MYBPC1: variants seen among roughly 807,000 people sequenced by gnomAD.
MYBPC1 encodes myosin-binding protein C, slow-type.
A neutral mutation model predicts 147.1 loss-of-function variants in MYBPC1; 52 were observed. The ratio of observed to expected loss-of-function variants is 0.35; its 90% CI spans 0.28 to 0.45. MYBPC1 has a LOEUF of 0.45. MYBPC1 is among the 20% of genes least tolerant of loss of function. The pLI is 1.00. For missense variants in MYBPC1, 1,228 were observed against 1,440.3 expected, an observed-to-expected ratio of 0.85 and a Z score of 2.39; for synonymous variants, 477 against 475.9, an observed-to-expected ratio of 1.00 and a Z score of -0.03.
intron 18 of MYBPC1, among the ~76,000 whole-genome samples, chr12:101,659,280 A>G (rs1006836137): frequency 6.6e-6 from 1 of 152,210 alleles, no homozygotes; most frequent in African/African-American, 2.4e-5. Context: ...AATTTCATAC[A>G]CAGGGATTCC....
At chr12:101,596,310 C>T (rs1327261835) in intron 1 of MYBPC1, among the ~76,000 whole-genome samples, 2 of 152,164 alleles carry the variant, frequency 1.3e-5, no homozygotes, top group East Asian at 1.9e-4. Context: ...CCAAAATAAC[C>T]ACACCAAATG....
chr12:101,661,896 C>CAA lies in MYBPC1; in HGVS notation c.2033-444_2033-443dup, dbSNP rs66873575. 4.8e-3 allele frequency among the ~76,000 whole-genome samples: 400 copies of CAA among 83,022 alleles called. 5 individuals are homozygous for CAA. Among genetic ancestry groups the CAA allele is most frequent in the African/African-American group, 9.4e-3 (207 of 22,036 alleles). The allele number at this position is 83,022 out of a possible 152,430, so 54.5% of individuals were successfully genotyped here. ...TGGGCAACAGAGTGAGACTCTGTCT[C>CAA]AAAAAAAAAAAAAAAAAAAGAAAGA... On this transcript the variant is annotated intron_variant, in intron 20 of 31. Transcript: ENST00000361466.
chr12:101,608,847 G>A (rs1040138249), intron 1 of MYBPC1, among the ~76,000 whole-genome samples: 1 of 152,184 alleles, frequency 6.6e-6, no homozygotes, highest in Non-Finnish European at 1.5e-5. Context: ...TGTAAATGAT[G>A]GAGCTGGGTG....
At chr12:101,610,387 G>T (rs1883806017) in intron 1 of MYBPC1, among the ~76,000 whole-genome samples, 2 of 152,114 alleles carry the variant, frequency 1.3e-5, no homozygotes, top group Non-Finnish European at 2.9e-5. Flanking sequence ...CACCTCTTCT[G>T]TCCAGTCCCC....
At chr12:101,627,462 C>T (rs1245071456) in intron 4 of MYBPC1, among the ~76,000 whole-genome samples, 1 of 152,050 alleles carries the variant, frequency 6.6e-6, no homozygotes, top group African/African-American at 2.4e-5. Context: ...AGACTGGTCT[C>T]GAACACCTGA....
At chr12:101,686,849 A>C (rs1205505588), downstream of MYBPC1, among the ~76,000 whole-genome samples, 3 of 152,128 alleles carry the variant, frequency 2.0e-5, no homozygotes, top group African/African-American at 7.2e-5. Flanking sequence ...GTTGCAGTAC[A>C]TTTGAGAACA....
chr12:101,615,397 C>G (rs1274603817), intron 2 of MYBPC1, among the ~76,000 whole-genome samples: 1 of 152,038 alleles, frequency 6.6e-6, no homozygotes, highest in Non-Finnish European at 1.5e-5. Context: ...ACTGGCATCC[C>G]ACTCAATAAT....
chr12:101,617,862 C>G (rs546642557), intron 3 of MYBPC1, among the ~76,000 whole-genome samples: 1 of 152,120 alleles, frequency 6.6e-6, no homozygotes, highest in Non-Finnish European at 1.5e-5. Flanking sequence ...TTCTGTTACT[C>G]CATGAAATGC....
intron 14 of MYBPC1, among the ~76,000 whole-genome samples, chr12:101,648,747 A>G (rs1042739024): frequency 4.6e-5 from 7 of 152,112 alleles, no homozygotes; most frequent in Non-Finnish European, 8.8e-5. Context: ...ATAAGAGTTT[A>G]TTTGTTTTGC....
intron 21 of MYBPC1, 92 bp from the exon 22 acceptor site, chr12:101,663,334 T>G (rs1455543238): frequency 8.6e-7 from 1 of 1,162,428 alleles, no homozygotes; most frequent in South Asian, 1.2e-5. Flanking sequence ...TTGTGTCTAT[T>G]TTTATTTGTA....
intron 1 of MYBPC1, among the ~76,000 whole-genome samples, chr12:101,612,977 T>G (rs1884807989): frequency 6.6e-6 from 1 of 152,244 alleles, no homozygotes; most frequent in South Asian, 2.1e-4. Context: ...ATCTGCAAAT[T>G]ACATCACATC....
Position 101,652,668 on chromosome 12 carries a change from G to T in MYBPC1, c.1527-10G>T, listed in dbSNP as rs760727234. The T allele has an allele frequency of 2.7e-5, 43 of 1,591,678 alleles. No individual in the cohort carries two copies. Among genetic ancestry groups the T allele is most frequent in the Non-Finnish European group, 3.5e-5 (41 of 1,160,034 alleles). On this transcript the variant is annotated splice_polypyrimidine_tract_variant and intron_variant, in intron 16 of 31. Transcript: ENST00000361466. Reference sequence around the variant, plus strand: ...GGAGTCTTAGAAATACATTTTCCTTGTTTCCTTAGGATCCACAAGTTAGTG... The same window carrying T: ...GGAGTCTTAGAAATACATTTTCCTTTTTTCCTTAGGATCCACAAGTTAGTG...
At chr12:101,691,828 GAGC>G in the MYBPC1 span, among the ~76,000 whole-genome samples, 1 of 152,150 alleles carries the variant, frequency 6.6e-6, no homozygotes, top group Non-Finnish European at 1.5e-5. Context: ...AGGCATTGAG[GAGC>G]ACACTCAGTG....
intron 1 of MYBPC1, among the ~76,000 whole-genome samples, chr12:101,595,880 CAG>C (rs1222077859): frequency 1.3e-5 from 2 of 151,726 alleles, no homozygotes; most frequent in Non-Finnish European, 2.9e-5. Context: ...CAATTGGTAA[CAG>C]AAGTAAATTG....
chr12:101,671,594 C>T (rs971418792), intron 24 of MYBPC1, among the ~76,000 whole-genome samples: 1 of 152,234 alleles, frequency 6.6e-6, no homozygotes, highest in African/African-American at 2.4e-5. Flanking sequence ...CACTTTCCTT[C>T]TCTTGCAGCA....
chr12:101,680,308 T>C, intron 28 of MYBPC1, 35 bp from the exon 29 acceptor site: 1 of 1,592,420 alleles, frequency 6.3e-7, no homozygotes, highest in East Asian at 2.2e-5. Context: ...ATTACAGATA[T>C]GTTTTGACCT....
downstream of MYBPC1, among the ~76,000 whole-genome samples, chr12:101,689,271 G>A (rs557150860): frequency 6.6e-6 from 1 of 152,310 alleles, no homozygotes; most frequent in East Asian, 1.9e-4. Flanking sequence ...AGATTCCAGA[G>A]TCAACAGGAA....
At chr12:101,600,538 A>T (rs1014347931) in intron 1 of MYBPC1, 1 of 152,146 alleles carries the variant, frequency 6.6e-6, no homozygotes, top group Admixed American at 6.5e-5. Flanking sequence ...TCTTCTTTTC[A>T]ATTTTGTATG....
chr12:101,601,876 C>T (rs1880140367), intron 1 of MYBPC1, among the ~76,000 whole-genome samples: 1 of 152,130 alleles, frequency 6.6e-6, no homozygotes, highest in Non-Finnish European at 1.5e-5. Flanking sequence ...AATCTTGGAA[C>T]AGAATGCTCT....
Sources: gnomAD v4.1 joint callset for allele counts (sites outside exome capture counted in the v4.1 genomes callset) on GRCh38, gnomAD v4.1.1 for gene constraint, MANE v1.5 for transcripts, NCBI Gene and HGNC (gene_info 2026-07-23, HGNC 2026-07-21) for gene names.